Variants in PRSS12 observed in about 807,000 individuals in gnomAD.
PRSS12 encodes the protein serine protease 12.
In PRSS12, 85 loss-of-function variants were observed where a neutral mutation model predicts 104.4. The observed-to-expected ratio is 0.81, with a 90% CI of 0.68 to 0.98. The LOEUF (loss-of-function observed/expected upper bound fraction) is 0.98, where lower values mean the gene tolerates loss of function less well. PRSS12 is among the 50% of genes least tolerant of loss of function. The probability of loss-of-function intolerance (pLI) is 0.00; values close to 1 mark genes in which losing one functional copy is unlikely to be tolerated. For missense variants in PRSS12, 1,141 were observed against 1,139.2 expected (o/e 1.00, Z -0.02); for synonymous variants, 454 against 425.2 (o/e 1.07, Z -0.83).
chr4:118,316,335 A>AG lies in PRSS12; in HGVS notation c.1151-13dup. The AG allele has an allele frequency of 1.9e-6, 3 of 1,613,978 alleles. No individual in the cohort carries two copies. Among genetic ancestry groups the AG allele is most frequent in the Non-Finnish European group, 2.5e-6 (3 of 1,179,980 alleles). On this transcript the variant is annotated splice_polypyrimidine_tract_variant and intron_variant, in intron 5 of 12. Transcript: ENST00000296498. ...TCTGATGACCCCATCTGTGATAAAG[A>AG]GGAGACACAGAGACTAAGCAAATCA...
chr4:118,311,890 C>T (rs1171548258), intron 7 of PRSS12, among the ~76,000 whole-genome samples: 5 of 152,088 alleles, frequency 3.3e-5, no homozygotes, highest in South Asian at 2.1e-4. Flanking sequence ...AGCATATCTG[C>T]GTAGATCATC....
At chr4:118,341,160 G>A (rs1056076200) in intron 1 of PRSS12, among the ~76,000 whole-genome samples, 2 of 152,160 alleles carry the variant, frequency 1.3e-5, no homozygotes, top group Admixed American at 6.5e-5. Flanking sequence ...TAGTTTCTGC[G>A]GCTAGCCTCA....
chr4:118,300,802 C>A lies in PRSS12; in HGVS notation c.1632-1864G>T, dbSNP rs145220625. 5.1e-3 allele frequency among the ~76,000 whole-genome samples: 777 copies of A among 152,122 alleles called. 5 individuals are homozygous for A. Among genetic ancestry groups the A allele is most frequent in the African/African-American group, 0.018 (737 of 41,536 alleles). ...GTAGAGAATAATGGCATACAATAGA[C>A]AAAGAAATCATTTAAAAAATAAGTA... On this transcript the variant is annotated intron_variant, in intron 8 of 12. Coordinates refer to ENST00000296498, the MANE Select transcript of PRSS12 (RefSeq NM_003619.4).
At chr4:118,302,070 TG>T (rs1175719779) in intron 8 of PRSS12, among the ~76,000 whole-genome samples, 1 of 152,200 alleles carries the variant, frequency 6.6e-6, no homozygotes, top group Non-Finnish European at 1.5e-5. Flanking sequence ...GAAGGAATGT[TG>T]ATTTTATCAT....
rs1348817373 is a variant in PRSS12, at chr4:118,322,298, C to T, written c.972-3742G>A. On this transcript the variant is annotated intron_variant, in intron 4 of 12. Transcript: ENST00000296498. The stretch of plus-strand genomic sequence containing the variant: ...GGCGCCGTGGCTCACAGCTGTAATC[C>T]CCACACTTTGGGAGGCCGAGGCAGG... 2.6e-5 allele frequency among the ~76,000 whole-genome samples: 4 copies of T among 152,024 alleles called. No homozygotes were observed. The East Asian group carries it at 7.7e-4, about 29-fold the overall frequency.
At chr4:118,299,970 G>A (rs1186251626) in intron 8 of PRSS12, among the ~76,000 whole-genome samples, 2 of 147,778 alleles carry the variant, frequency 1.4e-5, no homozygotes, top group African/African-American at 4.9e-5. Flanking sequence ...GACAAGGCGA[G>A]ACTCCATCTC....
intron 11 of PRSS12, among the ~76,000 whole-genome samples, chr4:118,289,558 C>T (rs1743085847): frequency 6.6e-6 from 1 of 152,164 alleles, no homozygotes; most frequent in Non-Finnish European, 1.5e-5. Context: ...TTCTAGATTA[C>T]AGTCTCTATT....
chr4:118,296,305 T>C (rs1743253422), intron 9 of PRSS12, among the ~76,000 whole-genome samples: 1 of 152,160 alleles, frequency 6.6e-6, no homozygotes. Context: ...GCAAAGCACA[T>C]TCCCAGGCTA....
rs372693769 is a variant in PRSS12, at chr4:118,320,996, A to G, written c.972-2440T>C. Among the ~76,000 whole-genome samples, 38 of 152,324 alleles carry G rather than the reference A, an allele frequency of 2.5e-4. 1 individual carries two copies. Among genetic ancestry groups the G allele is most frequent in the South Asian group, 1.9e-3 (9 of 4,826 alleles). Reference sequence around the variant, plus strand: ...TTTTAAAATTTAGAATCCTGGCACTATCTGATACTTGTAACACAGTGGACT... The same window carrying G: ...TTTTAAAATTTAGAATCCTGGCACTGTCTGATACTTGTAACACAGTGGACT... On this transcript the variant is annotated intron_variant, in intron 4 of 12. Coordinates refer to ENST00000296498, the MANE Select transcript of PRSS12 (RefSeq NM_003619.4).
At chr4:118,316,430 G>A in intron 5 of PRSS12, 107 bp from the exon 6 acceptor site, 8 of 1,407,490 alleles carry the variant, frequency 5.7e-6, no homozygotes, top group Non-Finnish European at 7.9e-6. Flanking sequence ...CCTCACTCTA[G>A]GCCTTTTGCT....
intron 1 of PRSS12, among the ~76,000 whole-genome samples, chr4:118,348,469 T>A (rs927781852): frequency 1.3e-5 from 2 of 152,176 alleles, no homozygotes; most frequent in Non-Finnish European, 2.9e-5. Flanking sequence ...GTTTTCAGCA[T>A]CTAAATCACT....
rs138906996 is a variant in PRSS12, at chr4:118,343,697, G to A, written c.503-5383C>T. Among the ~76,000 whole-genome samples the A allele has an allele frequency of 7.9e-5, 12 of 152,200 alleles. No homozygotes were observed. The East Asian group carries it at 1.2e-3, about 15-fold the overall frequency. On this transcript the variant is annotated intron_variant, in intron 1 of 12. Transcript: ENST00000296498. ...CTTGAGCCCAAGCATTCAAGGTTAC[G>A]ATGAGCTATGACTGTGCCACTATAC...
At chr4:118,300,031 G>A (rs1313249053) in intron 8 of PRSS12, among the ~76,000 whole-genome samples, 1 of 148,632 alleles carries the variant, frequency 6.7e-6, no homozygotes, top group Non-Finnish European at 1.5e-5. Flanking sequence ...TTTTTTTTAA[G>A]ACACAGTCTC....
In PRSS12 at chr4:118,317,867, G is replaced by A. The variant is rs905049895; in HGVS notation, c.1150+511C>T. 5.3e-5 allele frequency among the ~76,000 whole-genome samples: 8 copies of A among 152,218 alleles called. No individual in the cohort carries two copies. The East Asian group carries it at 1.5e-3, about 29-fold the overall frequency. On this transcript the variant is annotated intron_variant, in intron 5 of 12. Transcript: ENST00000296498. ...TAAGTACATACACGCACACCAGTTT[G>A]TACTCACATATGCCCTTCTTACAAC...
intron 11 of PRSS12, among the ~76,000 whole-genome samples, chr4:118,284,668 A>G (rs1273199810): frequency 2.0e-5 from 3 of 151,884 alleles, no homozygotes; most frequent in African/African-American, 7.3e-5. Context: ...CTATTTTTTC[A>G]TTTTAGTCTT....
intron 8 of PRSS12, 84 bp downstream of exon 8, chr4:118,308,352 G>A: frequency 6.4e-7 from 1 of 1,558,926 alleles, no homozygotes; most frequent in South Asian, 1.1e-5. Context: ...CTCATTTTAA[G>A]TAAAAAGTAA....
At chr4:118,324,138 A>G (rs930617754) in intron 4 of PRSS12, among the ~76,000 whole-genome samples, 13 of 151,866 alleles carry the variant, frequency 8.6e-5, no homozygotes, top group Admixed American at 2.0e-4. Flanking sequence ...GAACTCAAGC[A>G]ATCTGCCCAC....
chr4:118,286,013 G>A (rs1743009660), intron 11 of PRSS12, among the ~76,000 whole-genome samples: 2 of 152,108 alleles, frequency 1.3e-5, no homozygotes, highest in Admixed American at 1.3e-4. Flanking sequence ...ACTAGCACAG[G>A]CAATTTATTT....
rs1742823712 is a variant in PRSS12 at position 118,280,718 on chromosome 4, T to C, written c.*1218A>G. ...GCTAAGAATGTTCTGTAAAGGTGCA[T>C]AGTTAAGCAGCTATCCCTTAACTCT... On this transcript the variant is annotated 3_prime_UTR_variant, in exon 13 of 13. Transcript: ENST00000296498. The C allele has an allele frequency of 6.6e-6, 1 of 152,224 alleles. No homozygotes were observed. The highest frequency in any genetic ancestry group is 1.5e-5 in the Non-Finnish European group (1 of 68,036). 9.4% of individuals were successfully genotyped at this position (152,224 alleles called of 1,614,324 possible). A position where few individuals can be genotyped will look rare whatever the true frequency, so the allele number is the denominator to read the frequency against.
Sources: allele counts gnomAD v4.1 joint callset (sites outside exome capture counted in the v4.1 genomes callset), GRCh38; gene constraint gnomAD v4.1.1; transcripts MANE v1.5; gene names NCBI Gene and HGNC (gene_info 2026-07-23, HGNC 2026-07-21).